IQSEC2: variants seen among roughly 807,000 people sequenced by gnomAD.
IQSEC2 encodes IQ motif and SEC7 domain-containing protein 2.
In IQSEC2, 6 loss-of-function variants were observed where a neutral mutation model predicts 74.6. The observed-to-expected ratio is 0.08, with a 90% CI of 0.04 to 0.16. The LOEUF (loss-of-function observed/expected upper bound fraction) is 0.16. IQSEC2 is among the 10% of genes least tolerant of loss of function. The pLI, the probability that IQSEC2 is intolerant of heterozygous loss-of-function variation, is 1.00. For synonymous variants in IQSEC2, 494 were observed against 544.5 expected (o/e 0.91, Z 1.29); for missense variants, 734 against 1,306.2 (o/e 0.56, Z 6.75).
intron 2 of IQSEC2, among the ~76,000 whole-genome samples, chrX:53,263,107 C>T (rs1255866065): frequency 1.8e-5 from 2 of 112,329 alleles, no homozygotes; most frequent in Non-Finnish European, 3.8e-5. Context: ...TCGCATTCTT[C>T]ATCTCCCCGT....
chrX:53,314,664 T>C (rs781841935), intron 1 of IQSEC2, among the ~76,000 whole-genome samples: 11 of 111,527 alleles, frequency 9.9e-5, no homozygotes, highest in East Asian at 2.8e-4. Context: ...GGCTGGAGCA[T>C]AGTCTGTACA....
intron 2 of IQSEC2, among the ~76,000 whole-genome samples, chrX:53,257,602 C>CA (rs1488785976): frequency 9.0e-6 from 1 of 111,407 alleles, no homozygotes; most frequent in Non-Finnish European, 1.9e-5. Flanking sequence ...CCTCCCAGCA[C>CA]ACGGCTCAAG....
chrX:53,318,387 G>A (rs1348078568), intron 1 of IQSEC2, among the ~76,000 whole-genome samples: 2 of 112,288 alleles, frequency 1.8e-5, no homozygotes, highest in Non-Finnish European at 3.8e-5. Flanking sequence ...AAAGAGGGAA[G>A]GACCAAGAGG....
intron 5 of IQSEC2, 24 bp from the exon 6 acceptor site, chrX:53,248,906 G>A (rs1602280625): frequency 8.4e-7 from 1 of 1,195,800 alleles, no homozygotes; most frequent in South Asian, 1.8e-5. Flanking sequence ...AGAGGTAGAT[G>A]AGATGACTGT....
At position 53,254,658 on chromosome X, in the gene IQSEC2, G is replaced by C; in HGVS notation, c.1273C>G (p.Arg425Gly). ...CCATATGGGAGCCCCCGTTCAAGCC[G>C]GTGGCTCCGGGCACCAGCCATGGCA... ...EGAMAGARSH[R>G]LERGLPYGGS... Residue 425 changes from arginine to glycine, a missense_variant, in exon 4 of 15, where the codon CGG (arginine) becomes GGG (glycine). Physicochemically the swap from Arg to Gly is moderately radical, Grantham distance 125. Transcript: ENST00000642864. 8.3e-7 allele frequency: 1 copy of C among 1,209,985 alleles called. No individual in the cohort carries two copies. The highest frequency in any genetic ancestry group is 2.2e-5 in the Admixed American group (1 of 45,927).
intron 1 of IQSEC2, among the ~76,000 whole-genome samples, chrX:53,302,393 T>C (rs1384952176): frequency 8.9e-6 from 1 of 112,736 alleles, no homozygotes; most frequent in Non-Finnish European, 1.9e-5. Flanking sequence ...CCAAGTGCCT[T>C]GAACAGTGTG....
chrX:53,276,281 A>G (rs914914695), intron 2 of IQSEC2, among the ~76,000 whole-genome samples: 6 of 111,688 alleles, frequency 5.4e-5, no homozygotes, highest in Non-Finnish European at 7.5e-5. Flanking sequence ...TTTCTTGTAA[A>G]TTCATAGTGG....
intron 2 of IQSEC2, chrX:53,266,755 A>C: frequency 1.0e-6 from 1 of 968,701 alleles, no homozygotes; most frequent in Non-Finnish European, 1.3e-6. Context: ...AGCTCTCTTT[A>C]ATTCAGGGGC....
chrX:53,320,015 T>TG (rs1387349062), intron 1 of IQSEC2, among the ~76,000 whole-genome samples: 4 of 79,617 alleles, frequency 5.0e-5, no homozygotes, highest in South Asian at 5.7e-4. Flanking sequence ...AAGGCGGGGG[T>TG]GGGGGGCTTT....
intron 2 of IQSEC2, among the ~76,000 whole-genome samples, chrX:53,276,526 A>G (rs1234289126): frequency 8.9e-6 from 1 of 112,652 alleles, no homozygotes; most frequent in Non-Finnish European, 1.9e-5. Context: ...TCTTTCTAAC[A>G]TTTATACCAT....
chrX:53,234,562 G>A lies in IQSEC2; in HGVS notation c.4124C>T (p.Pro1375Leu). 8.1e-6 allele frequency: 9 copies of A among 1,110,788 alleles called. No individual in the cohort carries two copies. Among genetic ancestry groups the A allele is most frequent in the Non-Finnish European group, 9.5e-6 (8 of 843,193 alleles). 91.5% of individuals were successfully genotyped at this position (1,110,788 alleles called of 1,213,427 possible). A position where few individuals can be genotyped will look rare whatever the true frequency, so the allele number is the denominator to read the frequency against. Reference sequence around the variant, plus strand: ...CTGTTTGTGGGCTGGAGGGTGCTGGGGGGCAGGACTGTACAGGGGCAGTGG... The same window carrying A: ...CTGTTTGTGGGCTGGAGGGTGCTGGAGGGCAGGACTGTACAGGGGCAGTGG... ...TSPLPLYSPA[P>L]QHPPAHKQGP... is the part of the protein sequence containing the mutation. Residue 1375 changes from proline (P) to leucine (L), a missense_variant, in exon 15 of 15, where the codon CCC becomes CTC. Around this residue, in one of 12 missense-constraint regions of IQSEC2, gnomAD observed 249 missense variants for 467.9 expected, o/e 0.53. Transcript: ENST00000642864.
chrX:53,253,991 A>T (rs5978122), intron 4 of IQSEC2, among the ~76,000 whole-genome samples: 1 of 110,484 alleles, frequency 9.1e-6, no homozygotes, highest in Non-Finnish European at 1.9e-5. Context: ...TCCCACAAGA[A>T]GGGAACGACA....
At chrX:53,291,819 G>T in intron 2 of IQSEC2, 76 bp downstream of exon 2, 2 of 943,469 alleles carry the variant, frequency 2.1e-6, no homozygotes, top group Non-Finnish European at 2.9e-6. Flanking sequence ...CATGGATCCT[G>T]CAGTTACAAA....
chrX:53,260,997 C>T (rs1410350641), intron 2 of IQSEC2, among the ~76,000 whole-genome samples: 19 of 111,019 alleles, frequency 1.7e-4, no homozygotes, highest in African/African-American at 5.6e-4. Flanking sequence ...AGCTCACCCC[C>T]GTTTTGGTTG....
At chrX:53,241,577 G>T (rs1159625367) in intron 10 of IQSEC2, among the ~76,000 whole-genome samples, 1 of 111,831 alleles carries the variant, frequency 8.9e-6, no homozygotes, top group Non-Finnish European at 1.9e-5. Context: ...CTGTCCCTGT[G>T]TGTCTGTTAC....
chrX:53,275,937 G>A (rs1312907561), intron 2 of IQSEC2, among the ~76,000 whole-genome samples: 8 of 108,128 alleles, frequency 7.4e-5, no homozygotes, highest in African/African-American at 2.4e-4. Context: ...TCCTGACCTC[G>A]TGATCAGCCC....
At chrX:53,291,762 C>T in intron 2 of IQSEC2, 133 bp downstream of exon 2, 2 of 539,316 alleles carry the variant, frequency 3.7e-6, no homozygotes, top group Non-Finnish European at 6.0e-6. Flanking sequence ...ATAGCCACCC[C>T]TAATACCAAC....
chrX:53,270,319 A>G (rs2074722375), intron 2 of IQSEC2, among the ~76,000 whole-genome samples: 2 of 109,966 alleles, frequency 1.8e-5, no homozygotes, highest in South Asian at 7.8e-4. Flanking sequence ...TGCCCCTACC[A>G]TCTCATCTTC....
In IQSEC2 at chrX:53,248,184, G is replaced by A. The variant is rs2074336146; in HGVS notation, c.2512C>T (p.Arg838Trp). ...FSSMDLDDAL[R>W]KFQSHIRVQG... is the part of the protein sequence containing the mutation. ...ACCCGGATATGGGACTGGAACTTCC[G>A]GAGCGCATCATCCAGATCCATGGAG... The change falls in exon 7 of 15, where the codon CGG becomes TGG. Residue 838 changes from arginine to tryptophan, a missense_variant. Physicochemically the swap from Arg to Trp is moderately radical, Grantham distance 101. Transcript: ENST00000642864. 1.7e-6 allele frequency: 2 copies of A among 1,209,747 alleles called. No homozygotes were observed. Among genetic ancestry groups the A allele is most frequent in the East Asian group, 3.0e-5 (1 of 33,793 alleles).
Sources: gnomAD v4.1 joint callset for allele counts (sites outside exome capture counted in the v4.1 genomes callset) on GRCh38, gnomAD v4.1.1 for gene constraint, gnomAD v4.1.1 regional missense constraint, MANE v1.5 for transcripts, NCBI Gene and HGNC (gene_info 2026-07-23, HGNC 2026-07-21) for gene names.